The following GPC5 variants were observed in gnomAD, a reference collection of about 807,000 sequenced individuals.
GPC5 encodes the protein glypican 5.
GPC5 carries 47 observed loss-of-function variants against 53.9 expected under a neutral mutation model. The observed-to-expected ratio is 0.87, with a 90% confidence interval of 0.69 to 1.11. GPC5 has a LOEUF of 1.11. Ranked by LOEUF, GPC5 falls within the 50% of genes most tolerant of loss-of-function variation. GPC5 has a pLI of 0.00. For synonymous variants in GPC5, 286 were observed against 263.3 expected (o/e 1.09, Z -0.84); for missense variants, 748 against 713.1 (o/e 1.05, Z -0.56).
intron 4 of GPC5, among the ~76,000 whole-genome samples, chr13:91,755,680 A>G (rs575088885): frequency 1.3e-5 from 2 of 152,224 alleles, no homozygotes; most frequent in Admixed American, 1.3e-4. Context: ...TATACTAAAT[A>G]TTATTCCTTC....
chr13:92,065,170 A>G (rs2041158256), intron 6 of GPC5, among the ~76,000 whole-genome samples: 1 of 152,166 alleles, frequency 6.6e-6, no homozygotes, highest in South Asian at 2.1e-4. Context: ...TCTACTTTTT[A>G]AAAATGTATT....
intron 5 of GPC5, among the ~76,000 whole-genome samples, chr13:91,867,608 C>T (rs1403784536): frequency 6.6e-6 from 1 of 152,164 alleles, no homozygotes; most frequent in Non-Finnish European, 1.5e-5. Context: ...CACAAAAAGA[C>T]AATGCTTTCA....
At chr13:92,805,786 T>C (rs1290479881) in intron 7 of GPC5, among the ~76,000 whole-genome samples, 2 of 151,996 alleles carry the variant, frequency 1.3e-5, no homozygotes, top group African/African-American at 4.8e-5. Flanking sequence ...GCTTAAAATA[T>C]TCAGCAAATC....
At chr13:92,448,921 C>G (rs888624109) in intron 7 of GPC5, 2 of 52,680 alleles carry the variant, frequency 3.8e-5, no homozygotes, top group South Asian at 1.4e-3. Flanking sequence ...AAAGCTAATG[C>G]TATTGGGCAC....
At chr13:91,871,473 A>C (rs2039143543) in intron 5 of GPC5, among the ~76,000 whole-genome samples, 2 of 152,134 alleles carry the variant, frequency 1.3e-5, no homozygotes, top group South Asian at 4.1e-4. Context: ...TTTATGTAAC[A>C]ACCCTTCACA....
chr13:91,837,732 T>G (rs1041557744), intron 5 of GPC5, among the ~76,000 whole-genome samples: 1 of 152,158 alleles, frequency 6.6e-6, no homozygotes, highest in Non-Finnish European at 1.5e-5. Context: ...AATTATTATG[T>G]CATACTCATA....
chr13:92,220,506 G>T (rs1053915458), intron 7 of GPC5, among the ~76,000 whole-genome samples: 2 of 152,266 alleles, frequency 1.3e-5, no homozygotes, highest in East Asian at 1.9e-4. Context: ...GTCTAGGCAG[G>T]TCAAAGATAC....
At chr13:92,060,263 G>C (rs2041112040) in intron 6 of GPC5, among the ~76,000 whole-genome samples, 1 of 151,892 alleles carries the variant, frequency 6.6e-6, no homozygotes, top group East Asian at 1.9e-4. Flanking sequence ...TTAAAATGTA[G>C]TTATTGTAGT....
intron 2 of GPC5, among the ~76,000 whole-genome samples, chr13:91,688,328 T>C (rs1207859669): frequency 1.3e-5 from 2 of 152,182 alleles, no homozygotes; most frequent in African/African-American, 4.8e-5. Flanking sequence ...TGTTTATCCC[T>C]AAGCATTGAA....
intron 6 of GPC5, among the ~76,000 whole-genome samples, chr13:92,060,607 A>C (rs2041115017): frequency 6.6e-6 from 1 of 152,082 alleles, no homozygotes; most frequent in Non-Finnish European, 1.5e-5. Flanking sequence ...AGAAAACAGA[A>C]GACATATATC....
At chr13:92,320,943 C>T (rs1361712327) in intron 7 of GPC5, among the ~76,000 whole-genome samples, 1 of 151,990 alleles carries the variant, frequency 6.6e-6, no homozygotes, top group African/African-American at 2.4e-5. Flanking sequence ...GGCAATAAAT[C>T]CCTGGTATTT....
intron 5 of GPC5, among the ~76,000 whole-genome samples, chr13:91,759,130 A>G (rs1172005384): frequency 6.6e-6 from 1 of 152,148 alleles, no homozygotes; most frequent in Non-Finnish European, 1.5e-5. Flanking sequence ...ATTGGACTCT[A>G]TCTCTTTTCT....
At chr13:91,411,784 G>C (rs142931849) in intron 1 of GPC5, among the ~76,000 whole-genome samples, 1 of 152,018 alleles carries the variant, frequency 6.6e-6, no homozygotes, top group African/African-American at 2.4e-5. Context: ...TAATTTTAGG[G>C]TGCCAGTCTA....
Position 92,412,674 on chromosome 13 carries a change from G to A in GPC5, c.1561+267685G>A, listed in dbSNP as rs145070077. ...TGCAACAGAAGAGTTGAGTAGTTGA[G>A]ACAGAGACAGACCATATGGTCCTTA... On this transcript the variant is annotated intron_variant, in intron 7 of 7. Transcript: ENST00000377067. 1.4e-4 allele frequency among the ~76,000 whole-genome samples: 21 copies of A among 152,282 alleles called. No individual in the cohort carries two copies. In the East Asian group the frequency reaches 3.9e-3, roughly 28 times the overall value.
intron 7 of GPC5, among the ~76,000 whole-genome samples, chr13:92,433,495 T>G (rs1877180040): frequency 6.6e-6 from 1 of 152,164 alleles, no homozygotes; most frequent in African/African-American, 2.4e-5. Flanking sequence ...TGCTTGAGAT[T>G]ATAATGGCAG....
chr13:91,533,158 G>C (rs752692922), intron 2 of GPC5, among the ~76,000 whole-genome samples: 8 of 152,206 alleles, frequency 5.3e-5, no homozygotes, highest in Non-Finnish European at 1.2e-4. Context: ...CATGTAGGCA[G>C]ATTCAAAAGG....
intron 6 of GPC5, among the ~76,000 whole-genome samples, chr13:91,997,159 A>T (rs1421900844): frequency 6.6e-6 from 1 of 152,130 alleles, no homozygotes; most frequent in East Asian, 1.9e-4. Context: ...AATGGTACTA[A>T]CTCACAGAAC....
intron 7 of GPC5, among the ~76,000 whole-genome samples, chr13:92,702,346 T>C (rs762450978): frequency 5.3e-5 from 8 of 152,176 alleles, no homozygotes; most frequent in Non-Finnish European, 8.8e-5. Flanking sequence ...CAAACATCTC[T>C]ACCCAGAATG....
At chr13:91,762,547 A>C (rs2037436111) in intron 5 of GPC5, among the ~76,000 whole-genome samples, 1 of 150,106 alleles carries the variant, frequency 6.7e-6, no homozygotes, top group East Asian at 2.0e-4. Context: ...CAAAGGCAGT[A>C]TGTTCTTTAT....
Sources: gnomAD v4.1 joint callset for allele counts (sites outside exome capture counted in the v4.1 genomes callset) on GRCh38, gnomAD v4.1.1 for gene constraint, MANE v1.5 for transcripts, NCBI Gene and HGNC (gene_info 2026-07-23, HGNC 2026-07-21) for gene names.